The following NRBP1 variants were observed in gnomAD, a reference collection of about 807,000 sequenced individuals.
NRBP1 encodes nuclear receptor binding protein 1.
Under a neutral mutation model 76.0 loss-of-function variants are expected in NRBP1, and 10 were observed. The observed-to-expected ratio is 0.13, with a 90% CI of 0.08 to 0.22. The LOEUF is 0.22. Ranked by LOEUF, NRBP1 falls within the 10% of genes least tolerant of loss-of-function variation. The pLI is 1.00. For missense variants in NRBP1, 344 were observed against 646.0 expected (o/e 0.53, Z 5.07); for synonymous variants, 235 against 240.2 (o/e 0.98, Z 0.20).
In NRBP1 at chr2:27,437,363, A is replaced by AAGG. The variant is rs1242243408; in HGVS notation, c.903+5_903+7dup. 1.2e-6 allele frequency: 2 copies of AAGG among 1,607,448 alleles called. No homozygotes were observed. The highest frequency in any genetic ancestry group is 2.7e-5 in the African/African-American group (2 of 74,804). On this transcript the variant is annotated splice_donor_region_variant and intron_variant, in intron 10 of 17. Coordinates refer to ENST00000379852, the MANE Select transcript of NRBP1 (RefSeq NM_013392.4). ...TTCTAGAAGACCCATTACAGAGGGT[A>AAGG]AGGATCTTCAGGATCACTCCCTCCT... is the stretch of plus-strand genomic sequence containing the variant.
intron 9 of NRBP1, 21 bp downstream of exon 9, chr2:27,437,126 G>A (rs199831630): frequency 5.6e-6 from 9 of 1,609,730 alleles, no homozygotes; most frequent in Admixed American, 3.3e-5. Flanking sequence ...TGGAGGGGAG[G>A]GGGGAAAGGG....
intron 9 of NRBP1, 21 bp from the exon 10 acceptor site, chr2:27,437,241 T>G (rs1664342328): frequency 1.2e-6 from 2 of 1,608,328 alleles, no homozygotes. Context: ...CTACTTTTTT[T>G]TTTATTCTTC....
Position 27,442,091 on chromosome 2 carries a change from CG to C in NRBP1, c.*280del. 1.9e-6 allele frequency: 1 copy of C among 534,556 alleles called. No individual in the cohort carries two copies. Among genetic ancestry groups the C allele is most frequent in the South Asian group, 2.7e-5 (1 of 36,582 alleles). 33.1% of individuals were successfully genotyped at this position (534,556 alleles called of 1,614,324 possible). On this transcript the variant is annotated 3_prime_UTR_variant, in exon 18 of 18. Transcript: ENST00000379852. ...GGCTAGTCGCTGATCTGCCGGCTCCCGCCCAGCCTGTGTGGAAAGGAGGCCC... is the reference window on the plus strand; with the variant it reads ...GGCTAGTCGCTGATCTGCCGGCTCCCCCCAGCCTGTGTGGAAAGGAGGCCC...
intron 10 of NRBP1, among the ~76,000 whole-genome samples, chr2:27,439,258 C>T (rs142869465): frequency 0.023 from 3,556 of 151,974 alleles, 157 homozygotes; most frequent in African/African-American, 0.081. Flanking sequence ...GAGGCTGAGG[C>T]GGGTGGATCA....
chr2:27,441,045 A>T, intron 14 of NRBP1, 82 bp from the exon 15 acceptor site: 2 of 1,608,274 alleles, frequency 1.2e-6, no homozygotes, highest in South Asian at 2.2e-5. Context: ...CCTAGCAGCC[A>T]TGCCCTATGG....
intron 1 of NRBP1, among the ~76,000 whole-genome samples, chr2:27,430,204 T>C (rs777281052): frequency 2.4e-4 from 36 of 152,114 alleles, no homozygotes; most frequent in Non-Finnish European, 2.8e-4. Flanking sequence ...GAAAATAACA[T>C]AGGGAAAGAA....
chr2:27,439,589 TAATATCTTAC>T (rs913706948), intron 10 of NRBP1, among the ~76,000 whole-genome samples, 167 bp from the exon 11 acceptor site: 3 of 152,092 alleles, frequency 2.0e-5, no homozygotes, highest in African/African-American at 7.2e-5. Context: ...ATCTTTCATA[TAATATCTTAC>T]AGTTTTTGAA....
Position 27,428,681 on chromosome 2 carries a change from C to G in NRBP1, c.-71C>G, listed in dbSNP as rs891896486. 7.5e-6 allele frequency: 3 copies of G among 397,970 alleles called. No homozygotes were observed. The highest frequency in any genetic ancestry group is 2.1e-5 in the African/African-American group (1 of 48,598). The allele number at this position is 397,970 out of a possible 1,614,324, so 24.7% of individuals were successfully genotyped here. A position where few individuals can be genotyped will look rare whatever the true frequency, so the allele number is the denominator to read the frequency against. On this transcript the variant is annotated 5_prime_UTR_variant, in exon 1 of 18. Coordinates refer to ENST00000379852, the MANE Select transcript of NRBP1 (RefSeq NM_013392.4). Reference sequence around the variant, plus strand: ...AGGGAGTCGCTGTGATCCGGGGCCCCGGAACCCGAGCTGGAGCTGAAGCGC... The same window carrying G: ...AGGGAGTCGCTGTGATCCGGGGCCCGGGAACCCGAGCTGGAGCTGAAGCGC...
chr2:27,436,579 G>C, intron 7 of NRBP1, 174 bp from the exon 8 acceptor site: 1 of 598,676 alleles, frequency 1.7e-6, no homozygotes, highest in South Asian at 2.0e-5. Context: ...GGGGAGGTAG[G>C]TGGCATCCAT....
Position 27,433,642 on chromosome 2 carries a change from TTAATTCTCTTTCATATGAA to T in NRBP1, c.211-29_211-11del. The T allele has an allele frequency of 6.2e-7, 1 of 1,613,864 alleles. No homozygotes were observed. The highest frequency in any genetic ancestry group is 1.7e-5 in the Admixed American group (1 of 60,022). ...AAAATGGAGGATTTGTGAGATAAGT[TTAATTCTCTTTCATATGAA>T]TTTCTTCTCAGGTGAATCAACGGAA... is the stretch of plus-strand genomic sequence containing the variant. On this transcript the variant is annotated splice_polypyrimidine_tract_variant and intron_variant, in intron 2 of 17. Transcript: ENST00000379852.
rs757208884 is a variant in NRBP1 at position 27,434,702 on chromosome 2, T to C, written c.526-20T>C. Reference sequence around the variant, plus strand: ...AAGAGAGGGAATTACTGCTGACCCTTGGATCCAACTTTGTTCCAGGCATGG... The same window carrying C: ...AAGAGAGGGAATTACTGCTGACCCTCGGATCCAACTTTGTTCCAGGCATGG... On this transcript the variant is annotated intron_variant, in intron 5 of 17. Coordinates refer to ENST00000379852, the MANE Select transcript of NRBP1 (RefSeq NM_013392.4). 3.1e-6 allele frequency: 5 copies of C among 1,614,130 alleles called. No homozygotes were observed. Among genetic ancestry groups the C allele is most frequent in the Non-Finnish European group, 4.2e-6 (5 of 1,179,980 alleles).
rs773550857 is a variant in NRBP1, at chr2:27,434,775, T to C, written c.566+13T>C. The C allele has an allele frequency of 4.3e-6, 7 of 1,613,456 alleles. 1 individual carries two copies. The highest frequency in any genetic ancestry group is 5.1e-6 in the Non-Finnish European group (6 of 1,179,376). On this transcript the variant is annotated intron_variant, in intron 6 of 17. Coordinates refer to ENST00000379852, the MANE Select transcript of NRBP1 (RefSeq NM_013392.4). ...TCTCTGCCCTAAGGTAAGTAGTACC[T>C]GGTTAGTTTCTTACCCATATTTCCT...
At chr2:27,435,073 T>G in intron 6 of NRBP1, 60 bp from the exon 7 acceptor site, 1 of 1,002,894 alleles carries the variant, frequency 1.0e-6, no homozygotes, top group Non-Finnish European at 1.6e-6. Flanking sequence ...CTCTTAACCC[T>G]TGGGTTCCCC....
In NRBP1 at chr2:27,435,123, G is replaced by A. The variant is rs375249977; in HGVS notation, c.567-10G>A. The A allele has an allele frequency of 8.5e-5, 136 of 1,609,270 alleles. No individual in the cohort carries two copies. In the African/African-American group the frequency reaches 1.6e-3, roughly 19 times the overall value. On this transcript the variant is annotated splice_polypyrimidine_tract_variant and intron_variant, in intron 6 of 17. Coordinates refer to ENST00000379852, the MANE Select transcript of NRBP1 (RefSeq NM_013392.4). ...CCAGTGGCCCCTCTAACAGCCCAGTGCCCCCACAGCTACCTGCACTCCTGT... is the reference window on the plus strand; with the variant it reads ...CCAGTGGCCCCTCTAACAGCCCAGTACCCCCACAGCTACCTGCACTCCTGT...
chr2:27,435,342 A>G, intron 7 of NRBP1, 115 bp downstream of exon 7: 1 of 782,154 alleles, frequency 1.3e-6, no homozygotes, highest in Admixed American at 2.5e-5. Context: ...GGCTGGTGAG[A>G]AGAGAAAGGA....
chr2:27,437,130 G>GA (rs747131489), intron 9 of NRBP1, 25 bp downstream of exon 9: 1 of 1,606,246 alleles, frequency 6.2e-7, no homozygotes, highest in South Asian at 1.1e-5. Context: ...GGGGAGGGGG[G>GA]AAAGGGGTCA....
chr2:27,434,001 G>T lies in NRBP1; in HGVS notation c.346G>T (p.Ala116Ser). Residue 116 changes from alanine (A) to serine (S), a missense_variant, in exon 4 of 18, where the codon GCT becomes TCT. Physicochemically the swap from Ala to Ser is moderately conservative, Grantham distance 99 (BLOSUM62 1). This residue lies in a region of NRBP1 where 73 missense variants were observed against 287.8 expected (regional missense o/e 0.25). Coordinates refer to ENST00000379852, the MANE Select transcript of NRBP1 (RefSeq NM_013392.4). ...NYKLQEEKVR[A>S]VFDNLIQLEH... is the part of the protein sequence containing the mutation. ...CCCTTGCTTTCAGGAAAAGGTTCGT[G>T]CTGTGTTTGATAATCTGATTCAATT... 1 of 1,613,990 alleles carries T rather than the reference G, an allele frequency of 6.2e-7. No homozygotes were observed. The highest frequency in any genetic ancestry group is 8.5e-7 in the Non-Finnish European group (1 of 1,179,924).
intron 6 of NRBP1, 42 bp from the exon 7 acceptor site, chr2:27,435,091 T>C (rs1664252860): frequency 7.2e-7 from 1 of 1,385,328 alleles, no homozygotes; most frequent in African/African-American, 1.4e-5. Flanking sequence ...CCCCTGCCCT[T>C]AATTTCCCAG....
At chr2:27,436,905 G>C (rs1246488544) in intron 8 of NRBP1, 69 bp downstream of exon 8, 6 of 1,485,198 alleles carry the variant, frequency 4.0e-6, no homozygotes, top group Non-Finnish European at 5.6e-6. Context: ...TTGAGGTACA[G>C]AGGCAATATA....
Sources: allele counts gnomAD v4.1 joint callset (sites outside exome capture counted in the v4.1 genomes callset), GRCh38; gene constraint gnomAD v4.1.1; regional missense constraint gnomAD v4.1.1; transcripts MANE v1.5; gene names NCBI Gene and HGNC (gene_info 2026-07-23, HGNC 2026-07-21).